The following SGCD variants were observed in gnomAD, a reference collection of about 807,000 sequenced individuals.
The protein encoded by SGCD is delta-sarcoglycan.
In SGCD, 18 loss-of-function variants were observed where a neutral mutation model predicts 36.6. The ratio of observed to expected loss-of-function variants is 0.49; its 90% CI spans 0.34 to 0.73. The LOEUF is 0.73. SGCD is among the 30% of genes least tolerant of loss of function. The pLI is 0.01. For missense variants in SGCD, 387 were observed against 346.7 expected (o/e 1.12, Z -0.92); for synonymous variants, 133 against 130.6 (o/e 1.02, Z -0.12).
intron 3 of SGCD, among the ~76,000 whole-genome samples, chr5:156,143,282 G>A (rs1342015446): frequency 1.3e-5 from 2 of 152,234 alleles, no homozygotes; most frequent in Non-Finnish European, 2.9e-5. Context: ...GATTTCAGAG[G>A]ATGTGTGGAA....
chr5:156,176,761 G>C (rs1001762251), intron 3 of SGCD, among the ~76,000 whole-genome samples: 1 of 152,046 alleles, frequency 6.6e-6, no homozygotes, highest in Non-Finnish European at 1.5e-5. Flanking sequence ...GGTAAATTGC[G>C]ATTTTGTTTT....
At chr5:156,213,579 A>G (rs1056279649) in intron 3 of SGCD, among the ~76,000 whole-genome samples, 6 of 152,048 alleles carry the variant, frequency 3.9e-5, no homozygotes, top group African/African-American at 1.2e-4. Context: ...ACCTCTTTCA[A>G]AAAAGCTGAA....
At chr5:155,828,483 A>C in the SGCD span, among the ~76,000 whole-genome samples, 1 of 152,174 alleles carries the variant, frequency 6.6e-6, no homozygotes, top group African/African-American at 2.4e-5. Flanking sequence ...TTAAGAAAAT[A>C]TCTTGGTTTT....
chr5:156,514,554 T>C (rs1757078354), intron 4 of SGCD, among the ~76,000 whole-genome samples: 1 of 152,242 alleles, frequency 6.6e-6, no homozygotes, highest in Non-Finnish European at 1.5e-5. Context: ...AGAGTATTTA[T>C]GTCTTTTAAA....
rs1277441731 is a variant in SGCD, at chr5:156,458,642, G to A, written c.193-49959G>A. 19 of 621,500 alleles carry A rather than the reference G, an allele frequency of 3.1e-5. No individual in the cohort carries two copies. In the East Asian group the frequency reaches 4.9e-4, roughly 16 times the overall value. 38.5% of individuals were successfully genotyped at this position (621,500 alleles called of 1,614,324 possible). ...ATGAAAAAAATACAATATTCATGCA[G>A]ATATTGTAAGAATTAAATGAGATAG... is the stretch of plus-strand genomic sequence containing the variant. On this transcript the variant is annotated intron_variant, in intron 3 of 8. Transcript: ENST00000337851.
the SGCD span, among the ~76,000 whole-genome samples, chr5:155,832,424 A>G: frequency 1.3e-5 from 2 of 152,096 alleles, no homozygotes; most frequent in Non-Finnish European, 2.9e-5. Flanking sequence ...TTGTGTCTCT[A>G]TGTCTTTGTA....
At chr5:155,912,784 T>C (rs759006630) in intron 1 of SGCD, among the ~76,000 whole-genome samples, 2 of 152,100 alleles carry the variant, frequency 1.3e-5, no homozygotes, top group Non-Finnish European at 2.9e-5. Flanking sequence ...AATCAGTGTC[T>C]TTCTTAGCTT....
chr5:156,210,441 A>G (rs1303994708), intron 3 of SGCD, among the ~76,000 whole-genome samples: 1 of 152,108 alleles, frequency 6.6e-6, no homozygotes, highest in Non-Finnish European at 1.5e-5. Flanking sequence ...GGACATAATA[A>G]AATCTCTCAG....
intron 4 of SGCD, among the ~76,000 whole-genome samples, chr5:156,582,731 G>T (rs544858667): frequency 6.6e-6 from 1 of 152,072 alleles, no homozygotes; most frequent in African/African-American, 2.4e-5. Flanking sequence ...CTTATCCCTA[G>T]ATCTAAGTAT....
intron 4 of SGCD, among the ~76,000 whole-genome samples, chr5:156,547,328 A>T (rs532818308): frequency 6.6e-6 from 1 of 152,156 alleles, no homozygotes; most frequent in East Asian, 1.9e-4. Context: ...ACCTTGCCAC[A>T]TATCCATCGG....
chr5:156,294,804 G>C (rs771609094), intron 3 of SGCD, among the ~76,000 whole-genome samples: 14 of 152,140 alleles, frequency 9.2e-5, no homozygotes, highest in Admixed American at 8.5e-4. Context: ...TGATACGCTA[G>C]ATTATTCTTG....
chr5:155,837,792 A>G, the SGCD span, among the ~76,000 whole-genome samples: 1 of 152,222 alleles, frequency 6.6e-6, no homozygotes, highest in Non-Finnish European at 1.5e-5. Context: ...AGCTACCTGA[A>G]TAGTCATTCC....
chr5:156,499,200 A>G (rs911855735), intron 3 of SGCD, among the ~76,000 whole-genome samples: 1 of 152,176 alleles, frequency 6.6e-6, no homozygotes, highest in Non-Finnish European at 1.5e-5. Context: ...CTTTTTAGTT[A>G]CAATGAGGGT....
chr5:156,724,387 G>A (rs1010346578), intron 7 of SGCD, among the ~76,000 whole-genome samples: 8 of 152,152 alleles, frequency 5.3e-5, no homozygotes, highest in African/African-American at 1.7e-4. Flanking sequence ...GGCAGATCAC[G>A]AGGTCAGGAG....
At chr5:156,020,713 AATT>A (rs1372458262) in intron 1 of SGCD, among the ~76,000 whole-genome samples, 3 of 152,166 alleles carry the variant, frequency 2.0e-5, no homozygotes, top group Admixed American at 1.3e-4. Flanking sequence ...AGGTAGAACG[AATT>A]ATTATTACCA....
rs561466541 is a variant in SGCD, at chr5:156,036,589, C to A, written c.-281-81289C>A. Among the ~76,000 whole-genome samples, 5 of 152,232 alleles carry A rather than the reference C, an allele frequency of 3.3e-5. 1 individual carries two copies. The East Asian group carries it at 9.7e-4, about 29-fold the overall frequency. On this transcript the variant is annotated intron_variant, in intron 1 of 9. Coordinates refer to the SGCD transcript ENST00000517913. ...TGCTACCTTTGGTTTCTTTAGAGAA[C>A]AAAACATCTTGAGACTCTAACTTAC...
intron 3 of SGCD, among the ~76,000 whole-genome samples, chr5:156,145,192 G>C (rs902985918): frequency 6.6e-6 from 1 of 152,198 alleles, no homozygotes; most frequent in Non-Finnish European, 1.5e-5. Context: ...GATAGTGAGT[G>C]AGTTCTCACA....
chr5:156,423,338 T>TAATATATTATATTATAATAA (rs1773480816), intron 3 of SGCD, among the ~76,000 whole-genome samples: 1 of 47,492 alleles, frequency 2.1e-5, no homozygotes, highest in East Asian at 6.6e-4. Context: ...TATTATAATA[T>TAATATATTATATTATAATAA]AATATATTAT....
intron 1 of SGCD, among the ~76,000 whole-genome samples, chr5:156,090,188 T>G (rs1761206326): frequency 6.6e-6 from 1 of 152,190 alleles, no homozygotes; most frequent in Non-Finnish European, 1.5e-5. Flanking sequence ...AAATTCCCAC[T>G]GGGTGTTTAA....
Sources: allele counts gnomAD v4.1 joint callset (sites outside exome capture counted in the v4.1 genomes callset), GRCh38; gene constraint gnomAD v4.1.1; transcripts MANE v1.5; gene names NCBI Gene and HGNC (gene_info 2026-07-23, HGNC 2026-07-21).